The following ARHGEF10L variants were observed in gnomAD, a reference collection of about 807,000 sequenced individuals.
The protein encoded by ARHGEF10L is Rho guanine nucleotide exchange factor 10 like, also known as rho guanine nucleotide exchange factor 10-like protein.
Under a neutral mutation model 141.2 loss-of-function variants are expected in ARHGEF10L, and 69 were observed. That is an observed-to-expected ratio of 0.49 (90% CI 0.40 to 0.60). ARHGEF10L has a LOEUF of 0.60. ARHGEF10L is among the 20% of genes least tolerant of loss of function. ARHGEF10L has a pLI of 0.00. For synonymous variants in ARHGEF10L, 711 were observed against 718.5 expected (o/e 0.99, Z 0.17); for missense variants, 1,482 against 1,734.3 (o/e 0.85, Z 2.58).
chr1:17,588,880 G>GTGTGTGTGTGTGTGTGTGTGTGTC, intron 4 of ARHGEF10L, among the ~76,000 whole-genome samples: 2 of 74,530 alleles, frequency 2.7e-5, no homozygotes, highest in South Asian at 5.3e-4. Context: ...GTGTGTGTGT[G>GTGTGTGTGTGTGTGTGTGTGTGTC]TGTGTGTGTG....
At chr1:17,554,561 C>G (rs1444257596) in intron 1 of ARHGEF10L, among the ~76,000 whole-genome samples, 2 of 150,008 alleles carry the variant, frequency 1.3e-5, no homozygotes, top group African/African-American at 4.9e-5. Context: ...CAGCCTCCCT[C>G]CCTCCCTCCT....
At chr1:17,551,483 C>T (rs111727240) in intron 1 of ARHGEF10L, among the ~76,000 whole-genome samples, 16 of 152,250 alleles carry the variant, frequency 1.1e-4, no homozygotes, top group African/African-American at 3.6e-4. Flanking sequence ...AGGGAGGGTG[C>T]AGGAGGGTGC....
At chr1:17,517,509 C>T in the ARHGEF10L span, among the ~76,000 whole-genome samples, 1 of 151,148 alleles carries the variant, frequency 6.6e-6, no homozygotes, top group Non-Finnish European at 1.5e-5. Context: ...GAGAGAGTTT[C>T]GCCATGTTGC....
At chr1:17,588,358 G>T in intron 3 of ARHGEF10L, 88 bp from the exon 4 acceptor site, 1 of 1,484,810 alleles carries the variant, frequency 6.7e-7, no homozygotes. Context: ...CGGCGCCCCT[G>T]GGGAGGCTGG....
rs367608261 is a variant in ARHGEF10L at position 17,661,245 on chromosome 1, T to C, written c.2861-3202T>C. On this transcript the variant is annotated intron_variant, in intron 25 of 28. Transcript: ENST00000361221. ...GGCGCACACCACCACACCCAGCTAA[T>C]TTTTGTATTTTTAATAGAGAAGGGG... 4.7e-4 allele frequency among the ~76,000 whole-genome samples: 71 copies of C among 152,154 alleles called. No individual in the cohort carries two copies. The East Asian group carries it at 0.014, about 29-fold the overall frequency.
chr1:17,627,598 A>G lies in ARHGEF10L; in HGVS notation c.1584+95A>G, dbSNP rs1470277441. The G allele has an allele frequency of 7.0e-7, 1 of 1,431,390 alleles. No homozygotes were observed. Among genetic ancestry groups the G allele is most frequent in the Non-Finnish European group, 9.4e-7 (1 of 1,058,802 alleles). The allele number at this position is 1,431,390 out of a possible 1,614,324, so 88.7% of individuals were successfully genotyped here. ...CCCCACGCCACCCACACTAGGTGGC[A>G]GTGTTCTCTGAGGGAGGGGAGGCCT... On this transcript the variant is annotated intron_variant, in intron 15 of 28. Transcript: ENST00000361221. This position sits in a 1 kb window ranked among gnomAD's most constrained non-coding sequence, Gnocchi z 4.0.
chr1:17,633,982 C>T (rs2060851475), intron 16 of ARHGEF10L, among the ~76,000 whole-genome samples: 1 of 152,178 alleles, frequency 6.6e-6, no homozygotes, highest in African/African-American at 2.4e-5. Flanking sequence ...GGCTCTGTGC[C>T]AGTTCACACC....
chr1:17,639,503 A>C lies in ARHGEF10L; in HGVS notation c.2172-699A>C, dbSNP rs868658300. 4.6e-5 allele frequency among the ~76,000 whole-genome samples: 7 copies of C among 152,150 alleles called. No individual in the cohort carries two copies. Among genetic ancestry groups the C allele is most frequent in the African/African-American group, 1.7e-4 (7 of 41,438 alleles). ...CAGGGGACCATGTGTAGGAGTCAGC[A>C]GCTTTGAATCTGCCGCCTCCCTGTT... On this transcript the variant is annotated intron_variant, in intron 20 of 28. Transcript: ENST00000361221. This position sits in a 1 kb window ranked among gnomAD's most constrained non-coding sequence, Gnocchi z 4.3.
rs943226759 is a variant in ARHGEF10L at position 17,599,586 on chromosome 1, G to A, written c.258-2541G>A. On this transcript the variant is annotated intron_variant, in intron 4 of 28. Transcript: ENST00000361221. ...GATGTTTCTGTGTTGAGGAGGTGGC[G>A]GCTCAGCGAAGCAGCTGTTAGAAAT... Among the ~76,000 whole-genome samples, 3 of 152,008 alleles carry A rather than the reference G, an allele frequency of 2.0e-5. 1 individual carries two copies. Among genetic ancestry groups the A allele is most frequent in the Admixed American group, 6.6e-5 (1 of 15,266 alleles).
chr1:17,609,721 G>T (rs1342433231), intron 7 of ARHGEF10L, among the ~76,000 whole-genome samples: 1 of 152,150 alleles, frequency 6.6e-6, no homozygotes, highest in African/African-American at 2.4e-5. Context: ...AATCAGAGAC[G>T]CCTCTGAGAG....
chr1:17,656,268 C>T lies in ARHGEF10L; in HGVS notation c.2705+166C>T, dbSNP rs760445455. Reference sequence around the variant, plus strand: ...CTGCCCAGTGTGGGAGCCAAAGTGTCGGGAGCGGCCTGCAGTGCAGTTGCC... The same window carrying T: ...CTGCCCAGTGTGGGAGCCAAAGTGTTGGGAGCGGCCTGCAGTGCAGTTGCC... On this transcript the variant is annotated intron_variant, in intron 24 of 28. Transcript: ENST00000361221. The surrounding 1 kb of genome is among the most constrained non-coding windows in gnomAD (Gnocchi z 4.9). 6.6e-5 allele frequency among the ~76,000 whole-genome samples: 10 copies of T among 152,188 alleles called. No individual in the cohort carries two copies. The highest frequency in any genetic ancestry group is 1.7e-4 in the African/African-American group (7 of 41,454).
intron 1 of ARHGEF10L, among the ~76,000 whole-genome samples, chr1:17,578,649 G>A (rs2100466546): frequency 6.6e-6 from 1 of 152,278 alleles, no homozygotes; most frequent in Non-Finnish European, 1.5e-5. Context: ...TTGTGCCACT[G>A]CACTCCAACC....
chr1:17,651,253 G>A (rs974946523), intron 22 of ARHGEF10L, among the ~76,000 whole-genome samples: 4 of 152,178 alleles, frequency 2.6e-5, no homozygotes, highest in African/African-American at 4.8e-5. Flanking sequence ...GGAGGCCGTC[G>A]GCAAGGGAGG....
chr1:17,625,854 G>C lies in ARHGEF10L; in HGVS notation c.1318-102G>C. The C allele has an allele frequency of 2.0e-6, 2 of 993,980 alleles. No homozygotes were observed. Among genetic ancestry groups the C allele is most frequent in the Non-Finnish European group, 3.1e-6 (2 of 641,766 alleles). 61.6% of individuals were successfully genotyped at this position (993,980 alleles called of 1,614,324 possible). A position where few individuals can be genotyped will look rare whatever the true frequency, so the allele number is the denominator to read the frequency against. ...AGCCCAGGGATAGGCAGGGTCTTAGGGCCTGGGGAGAGGAGCCCAGAATGG... is the reference window on the plus strand; with the variant it reads ...AGCCCAGGGATAGGCAGGGTCTTAGCGCCTGGGGAGAGGAGCCCAGAATGG... On this transcript the variant is annotated intron_variant, in intron 13 of 28. Coordinates refer to ENST00000361221, the MANE Select transcript of ARHGEF10L (RefSeq NM_018125.4). The surrounding 1 kb of genome is among the most constrained non-coding windows in gnomAD (Gnocchi z 4.5).
intron 2 of ARHGEF10L, among the ~76,000 whole-genome samples, chr1:17,582,505 C>G (rs577556440): frequency 1.3e-5 from 2 of 152,252 alleles, no homozygotes; most frequent in South Asian, 4.1e-4. Context: ...GGATTCCCCA[C>G]GCACCTTGTC....
At chr1:17,694,988 C>T (rs1276492074) in intron 27 of ARHGEF10L, 170 bp from the exon 28 acceptor site, 1 of 953,638 alleles carries the variant, frequency 1.0e-6, no homozygotes, top group South Asian at 1.3e-5. Flanking sequence ...CGTGGCCAGA[C>T]CCCAGGCAGG....
chr1:17,599,290 C>T (rs775712806), intron 4 of ARHGEF10L, among the ~76,000 whole-genome samples: 34 of 149,892 alleles, frequency 2.3e-4, no homozygotes, highest in Non-Finnish European at 4.1e-4. Context: ...GAGCTGAGAT[C>T]GTGCTGCTGC....
chr1:17,600,574 G>A lies in ARHGEF10L; in HGVS notation c.258-1553G>A, dbSNP rs555966371. Among the ~76,000 whole-genome samples the A allele has an allele frequency of 4.6e-5, 7 of 152,258 alleles. No homozygotes were observed. The East Asian group carries it at 1.4e-3, about 29-fold the overall frequency. ...GTTGTCAAAGCTGAGACCTACGTTG[G>A]CACATTACCATTCACTAAACAGATT... is the stretch of plus-strand genomic sequence containing the variant. On this transcript the variant is annotated intron_variant, in intron 4 of 28. Coordinates refer to ENST00000361221, the MANE Select transcript of ARHGEF10L (RefSeq NM_018125.4).
At chr1:17,636,154 G>C (rs748631222) in intron 18 of ARHGEF10L, among the ~76,000 whole-genome samples, 29 of 152,136 alleles carry the variant, frequency 1.9e-4, no homozygotes, top group African/African-American at 6.8e-4. Context: ...CTTTCTGCTG[G>C]TCATGCGGTC....
Sources: gnomAD v4.1 joint callset for allele counts (sites outside exome capture counted in the v4.1 genomes callset) on GRCh38, gnomAD v4.1.1 for gene constraint, Gnocchi (gnomAD v3.1) non-coding constraint, MANE v1.5 for transcripts, NCBI Gene and HGNC (gene_info 2026-07-23, HGNC 2026-07-21) for gene names.